The following KRABD3 variants were observed in gnomAD, a reference collection of about 807,000 sequenced individuals.
KRABD3 encodes the protein KRAB domain containing 3.
chr7:149,715,428 A>C, the KRABD3 span: 1 of 933,072 alleles, frequency 1.1e-6, no homozygotes, highest in Non-Finnish European at 1.3e-6. Flanking sequence ...GGAGAAACAA[A>C]GATAGAACAA....
chr7:149,729,653 G>C, the KRABD3 span: 3 of 985,478 alleles, frequency 3.0e-6, no homozygotes, highest in Non-Finnish European at 3.6e-6. Flanking sequence ...GTCCACTGCT[G>C]CTGCTTGGTT....
chr7:149,719,855 G>C, the KRABD3 span, among the ~76,000 whole-genome samples: 1 of 152,152 alleles, frequency 6.6e-6, no homozygotes, highest in South Asian at 2.1e-4. This position sits in a 1 kb window ranked among gnomAD's most constrained non-coding sequence, Gnocchi z 5.6. Context: ...GGGGTATGCG[G>C]CGGCCTCTGA....
chr7:149,720,746 C>T, the KRABD3 span: 13 of 1,285,536 alleles, frequency 1.0e-5, no homozygotes, highest in South Asian at 4.2e-5. Flanking sequence ...GGGAGGATTA[C>T]GTGAGATGCT....
chr7:149,730,339 A>G, the KRABD3 span: 1 of 1,542,790 alleles, frequency 6.5e-7, no homozygotes. Flanking sequence ...CCGCTCCCCC[A>G]GGGTGAGCCT....
At chr7:149,730,408 A>C in the KRABD3 span, 1 of 1,575,414 alleles carries the variant, frequency 6.3e-7, no homozygotes, top group Non-Finnish European at 8.6e-7. Context: ...CTCTGATGCC[A>C]GCTTTGTTTG....
the KRABD3 span, chr7:149,728,552 G>A: frequency 1.2e-6 from 2 of 1,613,580 alleles, no homozygotes; most frequent in African/African-American, 2.7e-5. Flanking sequence ...CCCACTGCAG[G>A]GTCTGGAGAA....
the KRABD3 span, chr7:149,731,556 A>G: frequency 8.2e-6 from 7 of 850,038 alleles, no homozygotes; most frequent in East Asian, 2.7e-5. Context: ...TCCGTCTTCT[A>G]TCTCATTTAA....
At chr7:149,730,403 A>T in the KRABD3 span, 2 of 1,572,032 alleles carry the variant, frequency 1.3e-6, no homozygotes, top group East Asian at 4.7e-5. Context: ...CACCACTCTG[A>T]TGCCAGCTTT....
the KRABD3 span, chr7:149,720,128 G>T: frequency 6.4e-7 from 1 of 1,551,420 alleles, no homozygotes; most frequent in African/African-American, 1.4e-5. Context: ...GATCCCCAGG[G>T]TAAGTTATCT....
the KRABD3 span, chr7:149,719,485 G>C: frequency 1.3e-6 from 2 of 1,500,766 alleles, no homozygotes; most frequent in Non-Finnish European, 1.8e-6. This position sits in a 1 kb window ranked among gnomAD's most constrained non-coding sequence, Gnocchi z 5.6. Context: ...CAAGTGCAGG[G>C]ACAGCTAGGC....
At chr7:149,715,242 TCCG>T in the KRABD3 span, 2 of 1,217,774 alleles carry the variant, frequency 1.6e-6, no homozygotes, top group Non-Finnish European at 2.0e-6. Flanking sequence ...TCTCCAGCTC[TCCG>T]CCGCCGGTAC....
the KRABD3 span, among the ~76,000 whole-genome samples, chr7:149,727,789 C>T: frequency 1.3e-5 from 2 of 152,196 alleles, no homozygotes; most frequent in Non-Finnish European, 2.9e-5. Flanking sequence ...CAGAACTCAG[C>T]GAACGTGCTG....
At chr7:149,723,822 C>T in the KRABD3 span, 1 of 1,613,984 alleles carries the variant, frequency 6.2e-7, no homozygotes, top group Non-Finnish European at 8.5e-7. Context: ...ACAGGCATCC[C>T]AGTCCCTCAG....
the KRABD3 span, among the ~76,000 whole-genome samples, chr7:149,721,194 T>C: frequency 6.6e-6 from 1 of 152,130 alleles, no homozygotes; most frequent in African/African-American, 2.4e-5. Context: ...TTTCGCATGG[T>C]GGTTTCTGTG....
chr7:149,722,933 G>C, the KRABD3 span: 6 of 1,604,242 alleles, frequency 3.7e-6, no homozygotes, highest in Admixed American at 8.8e-5. Flanking sequence ...GCAGACCTGG[G>C]GCCTGGGAGC....
At chr7:149,731,339 G>T in the KRABD3 span, among the ~76,000 whole-genome samples, 2 of 152,346 alleles carry the variant, frequency 1.3e-5, no homozygotes, top group Non-Finnish European at 2.9e-5. Flanking sequence ...AAATGGCAGA[G>T]TGGGCTGGGT....
chr7:149,731,809 C>A, the KRABD3 span: 1 of 1,514,466 alleles, frequency 6.6e-7, no homozygotes, highest in Non-Finnish European at 9.1e-7. Flanking sequence ...TCCCTCTGCA[C>A]GGGCCAGGAC....
chr7:149,725,639 G>A, the KRABD3 span, among the ~76,000 whole-genome samples: 2 of 152,164 alleles, frequency 1.3e-5, no homozygotes, highest in Non-Finnish European at 1.5e-5. Flanking sequence ...CCAAACAGCC[G>A]CCCGCATGTG....
At chr7:149,722,736 TC>T in the KRABD3 span, 1 of 1,546,080 alleles carries the variant, frequency 6.5e-7, no homozygotes, top group South Asian at 1.2e-5. Context: ...GCTCCCGGTG[TC>T]CCGTCAGGAC....
Sources: gnomAD v4.1 joint callset for allele counts (sites outside exome capture counted in the v4.1 genomes callset) on GRCh38, gnomAD v4.1.1 for gene constraint, Gnocchi (gnomAD v3.1) non-coding constraint, MANE v1.5 for transcripts, NCBI Gene and HGNC (gene_info 2026-07-23, HGNC 2026-07-21) for gene names.